TENM1: variants seen among roughly 807,000 people sequenced by gnomAD.
The protein encoded by TENM1 is teneurin transmembrane protein 1.
In TENM1, 35 loss-of-function variants were observed where a neutral mutation model predicts 174.8. The ratio of observed to expected loss-of-function variants is 0.20; its 90% CI spans 0.15 to 0.27. The LOEUF (loss-of-function observed/expected upper bound fraction) is 0.27, where lower values mean the gene tolerates loss of function less well. TENM1 is among the 10% of genes least tolerant of loss of function. The probability of loss-of-function intolerance (pLI) is 1.00; values close to 1 mark genes in which losing one functional copy is unlikely to be tolerated. For missense variants in TENM1, 1,633 were observed against 2,130.1 expected (o/e 0.77, Z 4.59); for synonymous variants, 781 against 798.7 (o/e 0.98, Z 0.37).
intron 25 of TENM1, among the ~76,000 whole-genome samples, chrX:124,407,150 A>AAAATAATT (rs779857103): frequency 2.1e-3 from 232 of 110,006 alleles, no homozygotes; most frequent in African/African-American, 7.5e-3. Context: ...TAAGAGACAA[A>AAAATAATT]AAATAATTAC....
intron 11 of TENM1, among the ~76,000 whole-genome samples, chrX:124,578,100 A>C (rs1329761302): frequency 3.7e-5 from 4 of 108,537 alleles, no homozygotes; most frequent in South Asian, 4.2e-4. Flanking sequence ...TAATTAAAAA[A>C]AATTTTCTGT....
At chrX:125,189,692 A>G in the TENM1 span, among the ~76,000 whole-genome samples, 3 of 112,076 alleles carry the variant, frequency 2.7e-5, no homozygotes, top group Non-Finnish European at 5.6e-5. Context: ...CTATGGAGGT[A>G]AAATACATAA....
intron 11 of TENM1, among the ~76,000 whole-genome samples, chrX:124,634,104 T>C (rs2050822406): frequency 9.0e-6 from 1 of 111,668 alleles, no homozygotes; most frequent in South Asian, 3.7e-4. Flanking sequence ...TTGTCATACT[T>C]TGAATATCAA....
intron 3 of TENM1, among the ~76,000 whole-genome samples, chrX:124,839,977 G>A (rs987708154): frequency 2.7e-5 from 3 of 111,240 alleles, no homozygotes; most frequent in African/African-American, 9.8e-5. Flanking sequence ...TTCAACCTCC[G>A]GCAATGACTT....
At chrX:124,576,878 G>A (rs933163507) in intron 11 of TENM1, among the ~76,000 whole-genome samples, 3 of 111,151 alleles carry the variant, frequency 2.7e-5, no homozygotes, top group African/African-American at 6.5e-5. Context: ...TCCCCTTAAT[G>A]CACATCTAAA....
At chrX:124,560,191 T>TTGTGTG (rs375476919) in intron 14 of TENM1, among the ~76,000 whole-genome samples, 9,489 of 88,046 alleles carry the variant, frequency 0.11, 507 homozygotes, top group South Asian at 0.25. Context: ...TCTCTTCTAT[T>TTGTGTG]TGTGTGTGTG....
At chrX:124,991,536 G>T in the TENM1 span, among the ~76,000 whole-genome samples, 26,809 of 109,053 alleles carry the variant, frequency 0.25, 3,564 homozygotes, top group African/African-American at 0.51. Flanking sequence ...CAGAGAGAGA[G>T]AGAAGAGAAA....
chrX:124,416,242 G>A (rs917378508), intron 25 of TENM1, among the ~76,000 whole-genome samples: 6 of 111,000 alleles, frequency 5.4e-5, no homozygotes, highest in South Asian at 3.9e-4. Flanking sequence ...TGAATTAACC[G>A]TCACTCCCCA....
At chrX:124,558,774 T>C (rs770275823) in intron 14 of TENM1, among the ~76,000 whole-genome samples, 16 of 111,567 alleles carry the variant, frequency 1.4e-4, no homozygotes, top group Non-Finnish European at 3.0e-4. Context: ...ATCAATATCA[T>C]CTTAATCCTA....
At chrX:124,824,285 G>T (rs2056106094) in intron 3 of TENM1, among the ~76,000 whole-genome samples, 1 of 112,135 alleles carries the variant, frequency 8.9e-6, no homozygotes. Context: ...AGGAAAAAAA[G>T]AAAAATAATT....
At chrX:124,391,749 TC>T (rs773986261) in intron 28 of TENM1, among the ~76,000 whole-genome samples, 1 of 112,102 alleles carries the variant, frequency 8.9e-6, no homozygotes, top group African/African-American at 3.2e-5. Flanking sequence ...GTATGAGCTT[TC>T]ATAATAATAA....
chrX:124,686,208 T>C lies in TENM1; in HGVS notation c.1016-14373A>G, dbSNP rs767449308. On this transcript the variant is annotated intron_variant, in intron 5 of 31. Transcript: ENST00000422452. ...AGAGAGAGGGGTGATATAGCCAAAG[T>C]ATTAAAAAAGAAAACCCTACCAACT... Among the ~76,000 whole-genome samples the C allele has an allele frequency of 7.2e-5, 8 of 110,921 alleles. No individual in the cohort carries two copies. In the East Asian group the frequency reaches 1.7e-3, roughly 23 times the overall value.
At chrX:125,088,090 T>A in the TENM1 span, among the ~76,000 whole-genome samples, 1 of 111,365 alleles carries the variant, frequency 9.0e-6, no homozygotes, top group African/African-American at 3.3e-5. Context: ...CAGTGATAGG[T>A]CATGTTGATA....
rs1273653452 is a variant in TENM1 at position 124,834,582 on chromosome X, G to A, written c.535+59714C>T. Among the ~76,000 whole-genome samples, 4 of 111,647 alleles carry A rather than the reference G, an allele frequency of 3.6e-5. No homozygotes were observed. In the Admixed American group the frequency reaches 3.8e-4, roughly 11 times the overall value. The stretch of plus-strand genomic sequence containing the variant: ...CTGCTAAGGGGAGTGTATATTCAGG[G>A]CAACTTGGATCTATGCTCCCAAGTG... On this transcript the variant is annotated intron_variant, in intron 3 of 31. Coordinates refer to ENST00000422452, the Ensembl canonical transcript of TENM1.
At chrX:124,938,723 T>C (rs2058281458) in intron 1 of TENM1, among the ~76,000 whole-genome samples, 1 of 112,235 alleles carries the variant, frequency 8.9e-6, no homozygotes, top group African/African-American at 3.2e-5. Context: ...GGGTAGAAAC[T>C]ACATGTGTGG....
intron 3 of TENM1, among the ~76,000 whole-genome samples, chrX:124,821,804 G>C (rs1488861771): frequency 2.7e-5 from 3 of 112,047 alleles, no homozygotes; most frequent in Admixed American, 1.9e-4. Context: ...GCTAGGCTTT[G>C]GGAATGGTTT....
exon 25 of TENM1, chrX:124,420,794 T>G (rs368416543): frequency 5.0e-6 from 6 of 1,208,120 alleles, no homozygotes; most frequent in Non-Finnish European, 6.7e-6. Flanking sequence ...GGCTTTCATC[T>G]TTGCATCTTT....
chrX:124,640,784 C>G (rs1178482861), intron 11 of TENM1, among the ~76,000 whole-genome samples: 1 of 109,539 alleles, frequency 9.1e-6, no homozygotes, highest in Non-Finnish European at 1.9e-5. Context: ...CACGGTGAAA[C>G]CCCATCTCTA....
the TENM1 span, among the ~76,000 whole-genome samples, chrX:125,115,305 A>C: frequency 8.9e-6 from 1 of 111,824 alleles, no homozygotes; most frequent in East Asian, 2.8e-4. Context: ...CCAAGCTGGA[A>C]TCATTCCCTT....
Sources: gnomAD v4.1 joint callset for allele counts (sites outside exome capture counted in the v4.1 genomes callset) on GRCh38, gnomAD v4.1.1 for gene constraint, MANE v1.5 for transcripts, NCBI Gene and HGNC (gene_info 2026-07-23, HGNC 2026-07-21) for gene names.